RGS6: variants seen among roughly 807,000 people sequenced by gnomAD.
RGS6 encodes regulator of G protein signaling 6.
A neutral mutation model predicts 78.5 loss-of-function variants in RGS6; 30 were observed. That is an observed-to-expected ratio of 0.38 (90% CI 0.29 to 0.52). The LOEUF (loss-of-function observed/expected upper bound fraction) is 0.52, where lower values mean the gene tolerates loss of function less well. Among genes scored for constraint, RGS6 ranks in the 20% least tolerant of loss-of-function variants. The pLI, the probability that RGS6 is intolerant of heterozygous loss-of-function variation, is 0.85. For synonymous variants in RGS6, 206 were observed against 206.0 expected (o/e 1.00, Z 0.00); for missense variants, 495 against 609.7 (o/e 0.81, Z 1.98).
chr14:72,341,423 A>G (rs1318847880), intron 2 of RGS6, among the ~76,000 whole-genome samples: 1 of 152,148 alleles, frequency 6.6e-6, no homozygotes, highest in African/African-American at 2.4e-5. Context: ...TTGGGTGGGG[A>G]CACAGGGCCA....
At chr14:72,095,498 A>G (rs148503123) in intron 2 of RGS6, among the ~76,000 whole-genome samples, 1 of 152,352 alleles carries the variant, frequency 6.6e-6, no homozygotes, top group Non-Finnish European at 1.5e-5. Flanking sequence ...TTGTCAGGAC[A>G]GCAAAAGTTT....
At chr14:72,273,325 T>G (rs550842229) in intron 2 of RGS6, among the ~76,000 whole-genome samples, 1 of 152,294 alleles carries the variant, frequency 6.6e-6, no homozygotes, top group South Asian at 2.1e-4. Context: ...CACCACCTTT[T>G]TTTTTCTTTA....
At chr14:71,991,053 C>T (rs916208391) in intron 2 of RGS6, 4 of 354,190 alleles carry the variant, frequency 1.1e-5, no homozygotes, top group Non-Finnish European at 2.2e-5. Flanking sequence ...TGTTTGTCTC[C>T]CTAGGATATT....
At chr14:72,579,650 G>A in the RGS6 span, among the ~76,000 whole-genome samples, 15 of 152,126 alleles carry the variant, frequency 9.9e-5, no homozygotes, top group Admixed American at 9.2e-4. Context: ...CCCTTAGAAC[G>A]CTGGCTGCTC....
the RGS6 span, among the ~76,000 whole-genome samples, chr14:71,876,809 G>C: frequency 1.1e-4 from 17 of 152,032 alleles, no homozygotes. Flanking sequence ...TGCAGTGGCT[G>C]GTACCAATTG....
At chr14:72,451,692 G>C (rs951777211) in intron 3 of RGS6, among the ~76,000 whole-genome samples, 1 of 152,186 alleles carries the variant, frequency 6.6e-6, no homozygotes, top group African/African-American at 2.4e-5. Flanking sequence ...CCGCAGGCCT[G>C]GGGGAGAACT....
chr14:72,447,783 A>C (rs1597653072), intron 3 of RGS6, among the ~76,000 whole-genome samples: 1 of 151,716 alleles, frequency 6.6e-6, no homozygotes. Flanking sequence ...GCTCACTACA[A>C]CCTCCACCTC....
intron 2 of RGS6, among the ~76,000 whole-genome samples, chr14:72,261,128 G>A (rs770179393): frequency 1.3e-5 from 2 of 152,144 alleles, no homozygotes; most frequent in African/African-American, 2.4e-5. Flanking sequence ...GGTCCATGTG[G>A]GCCTCTGAAG....
intron 7 of RGS6, among the ~76,000 whole-genome samples, chr14:72,466,792 A>T (rs2095926936): frequency 6.6e-6 from 1 of 152,242 alleles, no homozygotes; most frequent in South Asian, 2.1e-4. Context: ...GTATGAATCT[A>T]TACATGTGTT....
At chr14:72,011,533 G>A (rs1374186622) in intron 2 of RGS6, among the ~76,000 whole-genome samples, 2 of 151,802 alleles carry the variant, frequency 1.3e-5, no homozygotes, top group African/African-American at 4.8e-5. Flanking sequence ...AAAAACCCAG[G>A]AGATTGGAAG....
At chr14:72,016,527 G>A (rs540399997) in intron 2 of RGS6, among the ~76,000 whole-genome samples, 8 of 152,092 alleles carry the variant, frequency 5.3e-5, no homozygotes, top group African/African-American at 1.9e-4. Flanking sequence ...CACCACGCCC[G>A]GCTAATTTTT....
chr14:72,411,261 A>G (rs1404242866), intron 3 of RGS6, among the ~76,000 whole-genome samples: 2 of 152,146 alleles, frequency 1.3e-5, no homozygotes, highest in Admixed American at 6.5e-5. Context: ...AGTGGTTTGT[A>G]GTTCTCCTTG....
chr14:72,388,037 C>A (rs993841569), intron 3 of RGS6, among the ~76,000 whole-genome samples: 1 of 152,146 alleles, frequency 6.6e-6, no homozygotes, highest in African/African-American at 2.4e-5. Flanking sequence ...TCTTTGAGGA[C>A]CCTATCTCTA....
At position 72,236,760 on chromosome 14, in the gene RGS6, G is replaced by A. The variant is rs115609483; in HGVS notation, c.85-115335G>A. 7.8e-3 allele frequency among the ~76,000 whole-genome samples: 1,189 copies of A among 152,182 alleles called. 11 individuals are homozygous for A. The highest frequency in any genetic ancestry group is 0.025 in the African/African-American group (1,048 of 41,518). ...CTCCTCACTTCCCAGACAGGGCTGC[G>A]GCCAGAGAGAGGCACTCCTCACTTC... On this transcript the variant is annotated intron_variant, in intron 2 of 17. Coordinates refer to ENST00000553525, the MANE Select transcript of RGS6 (RefSeq NM_001204424.2).
At position 72,269,565 on chromosome 14, in the gene RGS6, A is replaced by ACC. The variant is rs79295612; in HGVS notation, c.85-82530_85-82529insCC. Reference sequence around the variant, plus strand: ...ATGTTTTTACAGTGAAACCTATCTTAAATTTTTTTTTTTTTTTTTTTTTTT... The same window carrying ACC: ...ATGTTTTTACAGTGAAACCTATCTTACCAATTTTTTTTTTTTTTTTTTTTTTT... On this transcript the variant is annotated intron_variant, in intron 2 of 17. Transcript: ENST00000553525. Among the ~76,000 whole-genome samples, 3 of 136,004 alleles carry ACC rather than the reference A, an allele frequency of 2.2e-5. 1 individual carries two copies. The highest frequency in any genetic ancestry group is 4.7e-5 in the Non-Finnish European group (3 of 64,472). 89.2% of individuals were successfully genotyped at this position (136,004 alleles called of 152,430 possible).
At chr14:72,338,630 A>G (rs1349332736) in intron 2 of RGS6, among the ~76,000 whole-genome samples, 4 of 152,218 alleles carry the variant, frequency 2.6e-5, no homozygotes, top group Non-Finnish European at 5.9e-5. Flanking sequence ...AAATGATCAT[A>G]TTTTGCCTTT....
intron 2 of RGS6, among the ~76,000 whole-genome samples, chr14:71,975,320 G>A (rs372103485): frequency 2.6e-5 from 4 of 152,170 alleles, no homozygotes; most frequent in Middle Eastern, 3.4e-3. Context: ...TTCCTCCTTC[G>A]AATGTAATCT....
At chr14:72,327,705 G>A (rs2074113856) in intron 2 of RGS6, among the ~76,000 whole-genome samples, 1 of 152,222 alleles carries the variant, frequency 6.6e-6, no homozygotes, top group African/African-American at 2.4e-5. Flanking sequence ...TGTATTGGCT[G>A]TGGACTTGAG....
intron 2 of RGS6, among the ~76,000 whole-genome samples, chr14:72,207,318 C>G (rs927944597): frequency 3.3e-5 from 5 of 152,254 alleles, no homozygotes; most frequent in South Asian, 4.1e-4. Context: ...AGTTATATTT[C>G]TAATGACTTC....
Sources: gnomAD v4.1 joint callset for allele counts (sites outside exome capture counted in the v4.1 genomes callset) on GRCh38, gnomAD v4.1.1 for gene constraint, MANE v1.5 for transcripts, NCBI Gene and HGNC (gene_info 2026-07-23, HGNC 2026-07-21) for gene names.